ELK3: variants seen among roughly 807,000 people sequenced by gnomAD.
The protein encoded by ELK3 is ETS domain-containing protein Elk-3.
Under a neutral mutation model 28.9 loss-of-function variants are expected in ELK3, and 10 were observed. The ratio of observed to expected loss-of-function variants is 0.35; its 90% CI spans 0.21 to 0.59. The LOEUF is 0.59. Ranked by LOEUF, ELK3 falls within the 20% of genes least tolerant of loss-of-function variation. The pLI, the probability that ELK3 is intolerant of heterozygous loss-of-function variation, is 0.82. For missense variants in ELK3, 463 were observed against 517.3 expected (o/e 0.90, Z 1.02); for synonymous variants, 272 against 243.5 (o/e 1.12, Z -1.09).
At chr12:96,252,976 T>C (rs1186073973) in intron 3 of ELK3, among the ~76,000 whole-genome samples, 1 of 152,148 alleles carries the variant, frequency 6.6e-6, no homozygotes, top group Non-Finnish European at 1.5e-5. Context: ...GAATAATCAA[T>C]TGGGCCAGGT....
At chr12:96,195,437 C>G (rs1170129376) in intron 1 of ELK3, among the ~76,000 whole-genome samples, 1 of 152,188 alleles carries the variant, frequency 6.6e-6, no homozygotes, top group Non-Finnish European at 1.5e-5. Flanking sequence ...CTTCCACTCC[C>G]CATCCCTGTT....
chr12:96,228,010 C>T (rs1282654961), intron 2 of ELK3, among the ~76,000 whole-genome samples: 2 of 151,944 alleles, frequency 1.3e-5, no homozygotes, highest in African/African-American at 4.8e-5. Flanking sequence ...GCAGACAGTG[C>T]AAAGAAGAAA....
intron 1 of ELK3, among the ~76,000 whole-genome samples, chr12:96,217,370 C>T (rs574831645): frequency 1.8e-4 from 28 of 152,372 alleles, no homozygotes; most frequent in African/African-American, 2.9e-4. Context: ...CTATAGGTAA[C>T]TGATCATGAA....
chr12:96,213,668 A>G (rs759483403), intron 1 of ELK3: 1 of 152,214 alleles, frequency 6.6e-6, no homozygotes, highest in Admixed American at 6.5e-5. Flanking sequence ...ACACACAGTA[A>G]ATTGCATATG....
rs541968932 is a variant in ELK3, at chr12:96,267,118, A to G, written c.1162A>G (p.Ile388Val). ...TLLNGHMPVP[I>V]PSLDRAASPV... ...GCTTAATGGCCACATGCCAGTGCCA[A>G]TCCCCAGTCTGGACAGAGCTGCTTC... The change falls in exon 5 of 5, where the codon ATC (isoleucine) becomes GTC (valine). Residue 388 changes from isoleucine to valine, a missense_variant. Transcript: ENST00000228741. 9 of 1,613,708 alleles carry G rather than the reference A, an allele frequency of 5.6e-6. No homozygotes were observed. Among genetic ancestry groups the G allele is most frequent in the Middle Eastern group, 3.3e-4 (2 of 6,060 alleles).
chr12:96,195,882 C>G (rs1951461852), intron 1 of ELK3, among the ~76,000 whole-genome samples: 1 of 151,502 alleles, frequency 6.6e-6, no homozygotes. Context: ...CCCTTCCCCG[C>G]CAGCCCCCTC....
intron 3 of ELK3, among the ~76,000 whole-genome samples, chr12:96,253,099 A>G (rs147616631): frequency 6.6e-6 from 1 of 152,314 alleles, no homozygotes; most frequent in African/African-American, 2.4e-5. Flanking sequence ...CGTCTCTACT[A>G]AAAGTACAAA....
intron 1 of ELK3, among the ~76,000 whole-genome samples, chr12:96,196,197 C>G (rs1481443871): frequency 6.6e-6 from 1 of 152,176 alleles, no homozygotes; most frequent in Non-Finnish European, 1.5e-5. Flanking sequence ...GCCTGGGAGC[C>G]CGGCGCTGGG....
intron 2 of ELK3, among the ~76,000 whole-genome samples, chr12:96,236,226 C>T (rs1951782159): frequency 6.6e-6 from 1 of 152,188 alleles, no homozygotes; most frequent in South Asian, 2.1e-4. Flanking sequence ...ACTCCAGGTC[C>T]AGCCAGCAGC....
intron 4 of ELK3, among the ~76,000 whole-genome samples, chr12:96,260,563 C>T (rs1170344523): frequency 1.3e-5 from 2 of 150,180 alleles, no homozygotes; most frequent in African/African-American, 2.4e-5. Flanking sequence ...ACTAGGCGAG[C>T]ACCTTCATTA....
At chr12:96,207,593 TA>T (rs909771024) in intron 1 of ELK3, among the ~76,000 whole-genome samples, 3 of 152,212 alleles carry the variant, frequency 2.0e-5, no homozygotes, top group African/African-American at 7.2e-5. Flanking sequence ...ACAGTGAAAC[TA>T]ACCAGTTCCT....
intron 2 of ELK3, among the ~76,000 whole-genome samples, chr12:96,231,754 G>A (rs977890832): frequency 6.6e-6 from 1 of 152,196 alleles, no homozygotes; most frequent in African/African-American, 2.4e-5. Context: ...AAAGCGCTGG[G>A]ATTGCAGGCA....
chr12:96,226,495 T>A (rs1208373761), intron 2 of ELK3, among the ~76,000 whole-genome samples: 1 of 131,602 alleles, frequency 7.6e-6, no homozygotes, highest in African/African-American at 2.9e-5. Flanking sequence ...CACAGAGATG[T>A]CCACATGTGC....
intron 1 of ELK3, among the ~76,000 whole-genome samples, chr12:96,195,759 C>T (rs1951460410): frequency 6.6e-6 from 1 of 152,172 alleles, no homozygotes; most frequent in South Asian, 2.1e-4. Context: ...CAGACAGCAT[C>T]TTGAAAATGA....
intron 1 of ELK3, among the ~76,000 whole-genome samples, chr12:96,199,789 A>G (rs1951497337): frequency 6.6e-6 from 1 of 152,208 alleles, no homozygotes; most frequent in Non-Finnish European, 1.5e-5. Context: ...TTTCCTGGAA[A>G]GTACTACTTT....
At chr12:96,195,425 C>G (rs1014095842) in intron 1 of ELK3, among the ~76,000 whole-genome samples, 1 of 152,128 alleles carries the variant, frequency 6.6e-6, no homozygotes, top group Non-Finnish European at 1.5e-5. Flanking sequence ...ATCTTGGGGC[C>G]CCTTCCACTC....
At chr12:96,207,841 C>A (rs972595602) in intron 1 of ELK3, among the ~76,000 whole-genome samples, 2 of 152,096 alleles carry the variant, frequency 1.3e-5, no homozygotes, top group African/African-American at 4.8e-5. Flanking sequence ...TGCAATTAAC[C>A]CTTTGTATAA....
chr12:96,239,358 T>A (rs1383328213), intron 2 of ELK3, among the ~76,000 whole-genome samples: 1 of 152,184 alleles, frequency 6.6e-6, no homozygotes, highest in African/African-American at 2.4e-5. Flanking sequence ...TGGGGAAGTG[T>A]TAGCAATGTC....
chr12:96,267,245 T>G lies in ELK3; in HGVS notation c.*65T>G. ...ACAAATTTGTCCCCACGGGCTAGTT[T>G]ACCTGTGTCGTGAGAAGGACATTGT... On this transcript the variant is annotated 3_prime_UTR_variant, in exon 5 of 5. Transcript: ENST00000228741. 1.4e-6 allele frequency: 2 copies of G among 1,414,810 alleles called. No homozygotes were observed. Among genetic ancestry groups the G allele is most frequent in the East Asian group, 4.8e-5 (2 of 41,890 alleles). 87.6% of individuals were successfully genotyped at this position (1,414,810 alleles called of 1,614,324 possible).
Sources: allele counts gnomAD v4.1 joint callset (sites outside exome capture counted in the v4.1 genomes callset), GRCh38; gene constraint gnomAD v4.1.1; transcripts MANE v1.5; gene names NCBI Gene and HGNC (gene_info 2026-07-23, HGNC 2026-07-21).